The following PTK2 variants were observed in gnomAD, a reference collection of about 807,000 sequenced individuals.
PTK2 encodes protein tyrosine kinase 2, also known as focal adhesion kinase 1.
In PTK2, 45 loss-of-function variants were observed where a neutral mutation model predicts 150.1. That is an observed-to-expected ratio of 0.30 (90% confidence interval 0.24 to 0.38). PTK2 has a LOEUF of 0.38. Ranked by LOEUF, PTK2 falls within the 10% of genes least tolerant of loss-of-function variation. The pLI is 1.00. For missense variants in PTK2, 919 were observed against 1,307.3 expected (o/e 0.70, Z 4.58); for synonymous variants, 432 against 449.2 (o/e 0.96, Z 0.48).
rs748230118 is a variant in PTK2, at chr8:140,764,292, T to C, written c.1178-2A>G. ...TAATCTCAGCATAATCATCTGTTTCTGCAGGAAAAGAAACAGATATGTTGA... is the reference window on the plus strand; with the variant it reads ...TAATCTCAGCATAATCATCTGTTTCCGCAGGAAAAGAAACAGATATGTTGA... On this transcript the variant is annotated splice_acceptor_variant, in intron 14 of 31. Transcript: ENST00000522684. LOFTEE classifies it high-confidence loss of function. The C allele has an allele frequency of 6.2e-7, 1 of 1,607,044 alleles. No individual in the cohort carries two copies. The highest frequency in any genetic ancestry group is 8.5e-7 in the Non-Finnish European group (1 of 1,174,802).
chr8:140,922,500 C>T (rs914741445), intron 2 of PTK2, among the ~76,000 whole-genome samples: 2 of 152,000 alleles, frequency 1.3e-5, no homozygotes, highest in African/African-American at 2.4e-5. Flanking sequence ...AGGATAAGAG[C>T]ACATCCACCA....
intron 1 of PTK2, among the ~76,000 whole-genome samples, chr8:140,979,559 A>T (rs1386089306): frequency 6.6e-6 from 1 of 152,224 alleles, no homozygotes; most frequent in African/African-American, 2.4e-5. Flanking sequence ...CAAAACTGAA[A>T]AAGTCAGACA....
intron 5 of PTK2, among the ~76,000 whole-genome samples, chr8:140,863,544 G>A (rs945665533): frequency 6.6e-6 from 1 of 152,082 alleles, no homozygotes; most frequent in Non-Finnish European, 1.5e-5. Context: ...TCTCCCCTCC[G>A]TGTTCTTGTC....
intron 2 of PTK2, among the ~76,000 whole-genome samples, chr8:140,925,023 T>G (rs2100168937): frequency 6.6e-6 from 1 of 152,174 alleles, no homozygotes; most frequent in Non-Finnish European, 1.5e-5. Flanking sequence ...AGAAGGTCCC[T>G]GGGAATGAAC....
At chr8:140,906,688 A>AAGGGGTACAAAAT (rs2100161016) in intron 2 of PTK2, among the ~76,000 whole-genome samples, 1 of 152,096 alleles carries the variant, frequency 6.6e-6, no homozygotes, top group Non-Finnish European at 1.5e-5. Context: ...GCATAAATAG[A>AAGGGGTACAAAAT]AGTAGGTTAA....
At chr8:140,766,956 C>T (rs1406213376) in intron 14 of PTK2, among the ~76,000 whole-genome samples, 1 of 152,150 alleles carries the variant, frequency 6.6e-6, no homozygotes, top group Non-Finnish European at 1.5e-5. Flanking sequence ...GATCATCAAG[C>T]AACAGTAACT....
chr8:140,662,808 A>T (rs777096481), intron 31 of PTK2: 30 of 520,014 alleles, frequency 5.8e-5, no homozygotes, highest in Non-Finnish European at 9.4e-5. Flanking sequence ...GCAAAATCTC[A>T]ATCTCATCAG....
chr8:140,979,878 T>C (rs369183961), intron 1 of PTK2, among the ~76,000 whole-genome samples: 3 of 152,334 alleles, frequency 2.0e-5, no homozygotes, highest in South Asian at 2.1e-4. Context: ...CCCAGCCATG[T>C]GGAATGTAAG....
chr8:140,688,373 A>G (rs1220822544), intron 26 of PTK2, among the ~76,000 whole-genome samples: 2 of 152,180 alleles, frequency 1.3e-5, no homozygotes, highest in Non-Finnish European at 2.9e-5. Context: ...ACGTAAAAAT[A>G]TTCATTTAAA....
At chr8:140,693,824 A>G (rs1408490215) in intron 26 of PTK2, among the ~76,000 whole-genome samples, 3 of 152,092 alleles carry the variant, frequency 2.0e-5, no homozygotes, top group Non-Finnish European at 4.4e-5. Context: ...CTGAAAACAG[A>G]TGTCAAAACA....
intron 7 of PTK2, among the ~76,000 whole-genome samples, chr8:140,839,956 T>C (rs1244417728): frequency 1.3e-5 from 2 of 152,156 alleles, no homozygotes; most frequent in Non-Finnish European, 2.9e-5. Flanking sequence ...TCAACAGACA[T>C]TTCTTGTCAT....
intron 3 of PTK2, among the ~76,000 whole-genome samples, chr8:140,884,194 T>C (rs1026866562): frequency 2.6e-5 from 4 of 152,186 alleles, no homozygotes; most frequent in Admixed American, 1.3e-4. Context: ...TAGGCATCTT[T>C]AGGAGCCAAC....
At chr8:140,812,532 C>A (rs1566871804) in intron 10 of PTK2, among the ~76,000 whole-genome samples, 1 of 152,222 alleles carries the variant, frequency 6.6e-6, no homozygotes, top group East Asian at 1.9e-4. Context: ...CAAATCCACA[C>A]ATATCAATAC....
rs766743491 is a variant in PTK2 at position 140,892,645 on chromosome 8, A to G, written c.-32-1876T>C. The G allele has an allele frequency of 6.8e-6, 3 of 440,606 alleles. No homozygotes were observed. The Admixed American group carries it at 8.2e-5, about 12-fold the overall frequency. The allele number at this position is 440,606 out of a possible 1,614,324, so 27.3% of individuals were successfully genotyped here. ...TCATTCTCCAATTAGTTAAAAAAAA[A>G]AATGGTATAACAGCACAGTAAAAGG... On this transcript the variant is annotated intron_variant, in intron 2 of 31. Transcript: ENST00000522684.
chr8:140,878,916 C>G (rs2100147267), intron 4 of PTK2, among the ~76,000 whole-genome samples: 1 of 151,384 alleles, frequency 6.6e-6, no homozygotes, highest in Non-Finnish European at 1.5e-5. Flanking sequence ...TTAATTTGCC[C>G]TGAAATAATT....
chr8:140,988,051 A>T (rs1054234206), intron 1 of PTK2, among the ~76,000 whole-genome samples: 1 of 151,876 alleles, frequency 6.6e-6, no homozygotes, highest in African/African-American at 2.4e-5. Context: ...TCTCAAAAAA[A>T]AAAAAAAAAA....
intron 22 of PTK2, among the ~76,000 whole-genome samples, chr8:140,728,663 G>A (rs528789896): frequency 5.9e-5 from 9 of 152,134 alleles, no homozygotes; most frequent in Non-Finnish European, 1.3e-4. Flanking sequence ...GGATTCACAG[G>A]CATCTGCCAC....
At chr8:140,780,853 G>T (rs149256364) in intron 14 of PTK2, among the ~76,000 whole-genome samples, 1 of 152,290 alleles carries the variant, frequency 6.6e-6, no homozygotes, top group Non-Finnish European at 1.5e-5. Context: ...AGAGGCAGAG[G>T]TGAAATAAAA....
At chr8:140,693,846 A>G (rs1042513905) in intron 26 of PTK2, among the ~76,000 whole-genome samples, 1 of 152,120 alleles carries the variant, frequency 6.6e-6, no homozygotes, top group Non-Finnish European at 1.5e-5. Context: ...ATGTCTTCTG[A>G]CATCTAAAAT....
Sources: gnomAD v4.1 joint callset for allele counts (sites outside exome capture counted in the v4.1 genomes callset) on GRCh38, gnomAD v4.1.1 for gene constraint, MANE v1.5 for transcripts, NCBI Gene and HGNC (gene_info 2026-07-23, HGNC 2026-07-21) for gene names.